The following CPSF6 variants were observed in gnomAD, a reference collection of about 807,000 sequenced individuals.
The protein encoded by CPSF6 is cleavage and polyadenylation specific factor 6.
In CPSF6, 10 loss-of-function variants were observed where a neutral mutation model predicts 56.7. The observed-to-expected ratio is 0.18, with a 90% CI of 0.11 to 0.30. The LOEUF (loss-of-function observed/expected upper bound fraction) is 0.30. CPSF6 is among the 10% of genes least tolerant of loss of function. CPSF6 has a pLI of 1.00. For missense variants in CPSF6, 419 were observed against 722.9 expected (o/e 0.58, Z 4.82); for synonymous variants, 248 against 244.8 (o/e 1.01, Z -0.12).
chr12:69,272,682 T>C lies in CPSF6; in HGVS notation c.*3174T>C, dbSNP rs2120675962. The C allele has an allele frequency of 6.6e-6, 1 of 152,050 alleles. No individual in the cohort carries two copies. The highest frequency in any genetic ancestry group is 1.9e-4 in the East Asian group (1 of 5,184). 9.4% of individuals were successfully genotyped at this position (152,050 alleles called of 1,614,324 possible). A position where few individuals can be genotyped will look rare whatever the true frequency, so the allele number is the denominator to read the frequency against. ...CTGAGAATACAGTATTGAGATTCTC[T>C]GTTTTACAGATAACAACTGGTTTTT... On this transcript the variant is annotated 3_prime_UTR_variant, in exon 10 of 10. Transcript: ENST00000435070.
intron 1 of CPSF6, among the ~76,000 whole-genome samples, chr12:69,240,133 C>CCCG (rs1268752747): frequency 8.6e-5 from 13 of 151,328 alleles, no homozygotes; most frequent in African/African-American, 1.9e-4. Context: ...GGGGCGCGTG[C>CCCG]CCGCCGCCGC....
chr12:69,252,249 A>AAAAG (rs1408351665), intron 2 of CPSF6: 2 of 251,152 alleles, frequency 8.0e-6, no homozygotes, highest in Non-Finnish European at 1.4e-5. Flanking sequence ...AATTAAAAAC[A>AAAAG]AAACAAACAC....
intron 8 of CPSF6, among the ~76,000 whole-genome samples, chr12:69,260,540 A>G (rs1425322579): frequency 1.3e-5 from 2 of 151,906 alleles, no homozygotes; most frequent in Non-Finnish European, 2.9e-5. Context: ...TGACCACCTC[A>G]CTTTATATTC....
At chr12:69,257,437 A>C (rs576121188) in intron 4 of CPSF6, among the ~76,000 whole-genome samples, 1 of 152,334 alleles carries the variant, frequency 6.6e-6, no homozygotes, top group South Asian at 2.1e-4. Flanking sequence ...TGTAATACTG[A>C]AATTAAGATA....
At position 69,259,424 on chromosome 12, in the gene CPSF6, A is replaced by G; in HGVS notation, c.1200-4A>G. 6.2e-7 allele frequency: 1 copy of G among 1,609,108 alleles called. No individual in the cohort carries two copies. Among genetic ancestry groups the G allele is most frequent in the Non-Finnish European group, 8.5e-7 (1 of 1,178,396 alleles). On this transcript the variant is annotated splice_region_variant and splice_polypyrimidine_tract_variant and intron_variant, in intron 6 of 9. Coordinates refer to ENST00000435070, the MANE Select transcript of CPSF6 (RefSeq NM_007007.3). ...GAGTTAAGGTTTATGTTTTTGTTTT[A>G]CAGGGAAATGGATACTGCAAGAACG... is the stretch of plus-strand genomic sequence containing the variant.
At chr12:69,250,307 TA>T (rs906831373) in intron 1 of CPSF6, among the ~76,000 whole-genome samples, 32 of 152,036 alleles carry the variant, frequency 2.1e-4, no homozygotes, top group South Asian at 1.2e-3. Flanking sequence ...ACTGTCAGTT[TA>T]AAAAAAACTT....
chr12:69,243,085 C>T (rs988638975), intron 1 of CPSF6, among the ~76,000 whole-genome samples: 1 of 151,554 alleles, frequency 6.6e-6, no homozygotes, highest in Non-Finnish European at 1.5e-5. Context: ...CCAGCAAGAC[C>T]CTGTCTCAAA....
intron 1 of CPSF6, among the ~76,000 whole-genome samples, chr12:69,239,941 G>C (rs2120380626): frequency 6.7e-6 from 1 of 150,066 alleles, no homozygotes; most frequent in Admixed American, 6.6e-5. Flanking sequence ...GACGCGGGCC[G>C]CTGTGCAGCT....
At chr12:69,259,272 C>T (rs1292880241) in intron 6 of CPSF6, 156 bp from the exon 7 acceptor site, 1 of 799,398 alleles carries the variant, frequency 1.3e-6, no homozygotes, top group Non-Finnish European at 1.5e-6. Context: ...TAGATTTGTT[C>T]TCTTTGTTGG....
Position 69,258,683 on chromosome 12 carries a change from T to C in CPSF6, c.788T>C (p.Leu263Pro), listed in dbSNP as rs1348044067. ...CCTGGTCAGGTTCTGCCTCCTCCTC[T>C]AGCTGGGCCTCCTAATCGAGGAGAT... The part of the protein sequence containing the change: ...PPPGQVLPPP[L>P]AGPPNRGDRP... Residue 263 changes from leucine to proline, a missense_variant, in exon 6 of 10, where the codon CTA (leucine) becomes CCA (proline). This residue lies in a region of CPSF6 where 211 missense variants were observed against 296.0 expected (regional missense o/e 0.71). Coordinates refer to ENST00000435070, the MANE Select transcript of CPSF6 (RefSeq NM_007007.3). The surrounding 1 kb of genome is among the most constrained non-coding windows in gnomAD (Gnocchi z 4.2). 5 of 1,613,884 alleles carry C rather than the reference T, an allele frequency of 3.1e-6. No homozygotes were observed. The highest frequency in any genetic ancestry group is 4.2e-6 in the Non-Finnish European group (5 of 1,179,964).
rs1270528563 is a variant in CPSF6 at position 69,270,541 on chromosome 12, C to G, written c.*1033C>G. 6.6e-6 allele frequency: 1 copy of G among 151,594 alleles called. No individual in the cohort carries two copies. Among genetic ancestry groups the G allele is most frequent in the African/African-American group, 2.4e-5 (1 of 41,356 alleles). The allele number at this position is 151,594 out of a possible 1,614,324, so 9.4% of individuals were successfully genotyped here. Reference sequence around the variant, plus strand: ...AGCAGGTAAATGTGAGTAAAGAGAGCCTTATATTTTCCAATTGGTATAAAT... The same window carrying G: ...AGCAGGTAAATGTGAGTAAAGAGAGGCTTATATTTTCCAATTGGTATAAAT... On this transcript the variant is annotated 3_prime_UTR_variant, in exon 10 of 10. Transcript: ENST00000435070.
rs1263528311 is a variant in CPSF6 at position 69,272,236 on chromosome 12, CTT to C, written c.*2731_*2732del. On this transcript the variant is annotated 3_prime_UTR_variant, in exon 10 of 10. Coordinates refer to ENST00000435070, the MANE Select transcript of CPSF6 (RefSeq NM_007007.3). ...TCATAGTTTAGCCCATTTAATGGTCCTTTTACCTAGAATGTTCTTAAGCAGTT... is the reference window on the plus strand; with the variant it reads ...TCATAGTTTAGCCCATTTAATGGTCCTTACCTAGAATGTTCTTAAGCAGTT... 6.6e-6 allele frequency: 1 copy of C among 151,024 alleles called. No individual in the cohort carries two copies. Among genetic ancestry groups the C allele is most frequent in the Non-Finnish European group, 1.5e-5 (1 of 67,500 alleles). The allele number at this position is 151,024 out of a possible 1,614,324, so 9.4% of individuals were successfully genotyped here. A position where few individuals can be genotyped will look rare whatever the true frequency, so the allele number is the denominator to read the frequency against.
intron 4 of CPSF6, 119 bp from the exon 5 acceptor site, chr12:69,257,613 T>A: frequency 2.2e-6 from 2 of 900,254 alleles, no homozygotes; most frequent in Non-Finnish European, 3.4e-6. Context: ...GTAGTTTGCA[T>A]AGGCACAAGG....
At chr12:69,262,334 A>G (rs372307173) in intron 8 of CPSF6, 39 bp from the exon 9 acceptor site, 1 of 1,499,498 alleles carries the variant, frequency 6.7e-7, no homozygotes, top group South Asian at 1.4e-5. Context: ...TAGGCTATCT[A>G]ATTATGGAGA....
intron 1 of CPSF6, among the ~76,000 whole-genome samples, chr12:69,249,152 C>CGGTGGGGGGGGGGGG (rs1491257320): frequency 2.4e-4 from 4 of 16,606 alleles, no homozygotes; most frequent in South Asian, 2.3e-3. Flanking sequence ...CCCAGCTACT[C>CGGTGGGGGGGGGGGG]GGGGGGGGGG....
intron 8 of CPSF6, 98 bp downstream of exon 8, chr12:69,260,295 A>C (rs1872689209): frequency 1.1e-6 from 1 of 937,068 alleles, no homozygotes; most frequent in African/African-American, 1.7e-5. Context: ...GCTTTTACTT[A>C]CTGATTATTT....
rs780542813 is a variant in CPSF6 at position 69,260,070 on chromosome 12, C to T, written c.1342C>T (p.Leu448=). 2.0e-5 allele frequency: 33 copies of T among 1,613,126 alleles called. No individual in the cohort carries two copies. The highest frequency in any genetic ancestry group is 5.9e-6 in the Non-Finnish European group (7 of 1,179,618). ...AGDYGSAIET[L]VTAISLIKQS... ...TGATTATGGGAGTGCTATTGAGACA[C>T]TGGTAACTGCAATTTCTTTAATTAA... The change falls in exon 8 of 10, where the codon CTG becomes TTG. Residue 448 remains leucine, a synonymous_variant. Transcript: ENST00000435070.
In CPSF6 at chr12:69,257,888, C is replaced by T; in HGVS notation, c.677C>T (p.Pro226Leu). The T allele has an allele frequency of 6.3e-7, 1 of 1,597,228 alleles. No individual in the cohort carries two copies. Residue 226 changes from proline to leucine, a missense_variant, in exon 5 of 10, where the codon CCA (proline) becomes CTA (leucine). Transcript: ENST00000435070. Reference protein sequence around the residue: ...RFPGPAGPGGPPPPFPAGQTP... With the variant: ...RFPGPAGPGGLPPPFPAGQTP... ...CCTGGGCCAGCAGGACCAGGAGGGC[C>T]ACCCCCACCTTTTCCAGGTAAAACT...
intron 2 of CPSF6, 66 bp downstream of exon 2, chr12:69,251,404 G>T: frequency 9.5e-7 from 1 of 1,048,616 alleles, no homozygotes; most frequent in African/African-American, 1.6e-5. Flanking sequence ...AGTAATTAAT[G>T]TTTTTCTCCA....
Sources: allele counts gnomAD v4.1 joint callset (sites outside exome capture counted in the v4.1 genomes callset), GRCh38; gene constraint gnomAD v4.1.1; regional missense constraint gnomAD v4.1.1; non-coding constraint Gnocchi (gnomAD v3.1); transcripts MANE v1.5; gene names NCBI Gene and HGNC (gene_info 2026-07-23, HGNC 2026-07-21).